FBLN7: variants seen among roughly 807,000 people sequenced by gnomAD.
The protein encoded by FBLN7 is fibulin 7.
Under a neutral mutation model 44.0 loss-of-function variants are expected in FBLN7, and 31 were observed. The ratio of observed to expected loss-of-function variants is 0.70; its 90% CI spans 0.53 to 0.95. The LOEUF (loss-of-function observed/expected upper bound fraction) is 0.95, where lower values mean the gene tolerates loss of function less well. Among genes scored for constraint, FBLN7 ranks in the 40% least tolerant of loss-of-function variants. The pLI, the probability that FBLN7 is intolerant of heterozygous loss-of-function variation, is 0.00. For synonymous variants in FBLN7, 262 were observed against 253.4 expected, an observed-to-expected ratio of 1.03 and a Z score of -0.32; for missense variants, 573 against 618.5, an observed-to-expected ratio of 0.93 and a Z score of 0.78.
chr2:112,142,245 C>A (rs1680683832), intron 1 of FBLN7, among the ~76,000 whole-genome samples: 1 of 152,174 alleles, frequency 6.6e-6, no homozygotes, highest in Non-Finnish European at 1.5e-5. Flanking sequence ...AATAAGTAAT[C>A]CTCTGCAGAG....
the FBLN7 span, among the ~76,000 whole-genome samples, chr2:112,204,370 G>C: frequency 6.6e-6 from 1 of 151,524 alleles, no homozygotes; most frequent in Admixed American, 6.6e-5. Context: ...AGAAGGAGAA[G>C]ATAGTAAGAA....
At chr2:112,170,871 C>T (rs912561590) in intron 3 of FBLN7, among the ~76,000 whole-genome samples, 11 of 152,150 alleles carry the variant, frequency 7.2e-5, no homozygotes, top group Admixed American at 2.0e-4. Context: ...ATTGTGGCAG[C>T]GGAGATTCTA....
chr2:112,233,233 GTC>G, the FBLN7 span: 1 of 1,435,144 alleles, frequency 7.0e-7, no homozygotes, highest in Non-Finnish European at 9.5e-7. Context: ...TATTTATAAA[GTC>G]ACCATATCTT....
chr2:112,153,129 A>C (rs1213626026), intron 1 of FBLN7: 3 of 152,158 alleles, frequency 2.0e-5, no homozygotes, highest in Non-Finnish European at 4.4e-5. Flanking sequence ...CATGAAGAGT[A>C]GTCGAGGATT....
intron 4 of FBLN7, chr2:112,177,251 A>G (rs943901291): frequency 2.0e-5 from 3 of 152,166 alleles, no homozygotes; most frequent in African/African-American, 7.2e-5. Flanking sequence ...TCTTTAGACA[A>G]TTGTTGCTCA....
At chr2:112,160,776 GCACACGCACGCACA>G (rs1558880308) in intron 2 of FBLN7, among the ~76,000 whole-genome samples, 1 of 108,802 alleles carries the variant, frequency 9.2e-6, no homozygotes, top group African/African-American at 3.4e-5. Flanking sequence ...ACACGCAGAC[GCACACGCACGCACA>G]CGCACACACG....
intron 1 of FBLN7, among the ~76,000 whole-genome samples, chr2:112,148,973 A>C (rs1296096824): frequency 6.6e-6 from 1 of 152,232 alleles, no homozygotes; most frequent in East Asian, 1.9e-4. Context: ...TGGCGTTGGC[A>C]CAGGGAGGAA....
chr2:112,182,350 G>A (rs758625766), intron 5 of FBLN7, among the ~76,000 whole-genome samples: 4 of 152,208 alleles, frequency 2.6e-5, no homozygotes, highest in Non-Finnish European at 5.9e-5. Context: ...CAAAGCAGGA[G>A]TTCAAAGCTG....
chr2:112,178,279 A>G (rs1434551997), intron 4 of FBLN7, among the ~76,000 whole-genome samples: 1 of 151,664 alleles, frequency 6.6e-6, no homozygotes, highest in Non-Finnish European at 1.5e-5. Flanking sequence ...CCAAAAGAAA[A>G]CAAACAAAAA....
chr2:112,220,676 C>G, the FBLN7 span, among the ~76,000 whole-genome samples: 5 of 152,116 alleles, frequency 3.3e-5, no homozygotes, highest in Admixed American at 6.5e-5. Flanking sequence ...ACAAAATTAG[C>G]CAGGCATGGT....
At position 112,181,748 on chromosome 2, in the gene FBLN7, A is replaced by G. The variant is rs1293285949; in HGVS notation, c.542A>G (p.Glu181Gly). The change falls in exon 5 of 8, where the codon GAG becomes GGG. Residue 181 changes from glutamate (E) to glycine (G), a missense_variant. Transcript: ENST00000331203. ...TGTCTTCTCCCCGCAGCCGCCCCCG[A>G]GGGCAGCGTGGCCGGCGACTCCGCC... is the stretch of plus-strand genomic sequence containing the variant. The part of the protein sequence containing the change: ...CQHQAQTAAP[E>G]GSVAGDSAFS... 4 of 1,394,514 alleles carry G rather than the reference A, an allele frequency of 2.9e-6. No homozygotes were observed. Among genetic ancestry groups the G allele is most frequent in the Non-Finnish European group, 3.7e-6 (4 of 1,081,598 alleles). 86.4% of individuals were successfully genotyped at this position (1,394,514 alleles called of 1,614,324 possible). A position where few individuals can be genotyped will look rare whatever the true frequency, so the allele number is the denominator to read the frequency against.
the FBLN7 span, among the ~76,000 whole-genome samples, chr2:112,236,265 T>C: frequency 4.6e-5 from 7 of 151,964 alleles, no homozygotes; most frequent in Non-Finnish European, 7.4e-5. Flanking sequence ...AAAAAATATA[T>C]GTATAACAAT....
chr2:112,171,066 A>G (rs113085288), intron 3 of FBLN7, among the ~76,000 whole-genome samples: 2 of 152,154 alleles, frequency 1.3e-5, no homozygotes, highest in Non-Finnish European at 2.9e-5. Context: ...TGGGTCATTG[A>G]TCAGAATTCC....
chr2:112,144,013 C>A lies in FBLN7; in HGVS notation c.75+5283C>A, dbSNP rs181395869. Among the ~76,000 whole-genome samples the A allele has an allele frequency of 6.0e-3, 915 of 152,268 alleles. 3 individuals are homozygous for A. Among genetic ancestry groups the A allele is most frequent in the African/African-American group, 0.021 (853 of 41,542 alleles). Reference sequence around the variant, plus strand: ...CATTTACCCCGAGATAACTTTGTCACAAAATATCTTTTATTATTTTCACAT... The same window carrying A: ...CATTTACCCCGAGATAACTTTGTCAAAAAATATCTTTTATTATTTTCACAT... On this transcript the variant is annotated intron_variant, in intron 1 of 7. Coordinates refer to ENST00000331203, the MANE Select transcript of FBLN7 (RefSeq NM_153214.3).
chr2:112,160,844 A>ACG (rs747212861), intron 2 of FBLN7, among the ~76,000 whole-genome samples: 3 of 112,920 alleles, frequency 2.7e-5, no homozygotes, highest in Non-Finnish European at 3.9e-5. Flanking sequence ...ACGCACGCAC[A>ACG]CGCGCACACA....
the FBLN7 span, chr2:112,238,265 T>C: frequency 3.3e-5 from 52 of 1,568,332 alleles, no homozygotes; most frequent in Non-Finnish European, 4.3e-5. Context: ...TGGACAACTG[T>C]GACTGCTTCT....
intron 1 of FBLN7, among the ~76,000 whole-genome samples, chr2:112,143,808 C>A (rs1431375508): frequency 1.3e-5 from 2 of 152,050 alleles, no homozygotes; most frequent in Non-Finnish European, 2.9e-5. Flanking sequence ...GTCTCGAACT[C>A]CTGGGCTCAA....
the FBLN7 span, chr2:112,215,701 T>C: frequency 2.6e-5 from 4 of 152,210 alleles, no homozygotes; most frequent in Non-Finnish European, 5.9e-5. Flanking sequence ...CTCATTATTA[T>C]TTGTACTTGG....
intron 1 of FBLN7, among the ~76,000 whole-genome samples, chr2:112,141,837 A>G (rs1204397295): frequency 6.6e-6 from 1 of 152,294 alleles, no homozygotes; most frequent in East Asian, 1.9e-4. Context: ...ACCAGGTGAG[A>G]CCGAAGCACT....
Sources: allele counts gnomAD v4.1 joint callset (sites outside exome capture counted in the v4.1 genomes callset), GRCh38; gene constraint gnomAD v4.1.1; transcripts MANE v1.5; gene names NCBI Gene and HGNC (gene_info 2026-07-23, HGNC 2026-07-21).